PHF2: variants seen among roughly 807,000 people sequenced by gnomAD.
PHF2 encodes the protein PHD finger protein 2, also known as lysine-specific demethylase PHF2.
In PHF2, 27 loss-of-function variants were observed where a neutral mutation model predicts 120.5. The observed-to-expected ratio is 0.22, with a 90% CI of 0.17 to 0.31. The LOEUF (loss-of-function observed/expected upper bound fraction) is 0.31. PHF2 is among the 10% of genes least tolerant of loss of function. PHF2 has a pLI of 1.00. For missense variants in PHF2, 1,024 were observed against 1,434.8 expected (o/e 0.71, Z 4.63); for synonymous variants, 568 against 592.5 (o/e 0.96, Z 0.60).
Position 93,667,097 on chromosome 9 carries a change from C to G in PHF2, c.2205C>G (p.Asp735Glu). ...CGCAGCAGAGTGATGACTCCTCGGA[C>G]GAGGGTTCGCTGCACATCGACACAG... The part of the protein sequence containing the change: ...SAAYKSDDSS[D>E]EGSLHIDTDT... The change falls in exon 17 of 22, where the codon GAC (aspartate) becomes GAG (glutamate). Residue 735 changes from aspartate to glutamate, a missense_variant. Physicochemically the swap from Asp to Glu is conservative, Grantham distance 45 (BLOSUM62 2). Coordinates refer to ENST00000359246, the MANE Select transcript of PHF2 (RefSeq NM_005392.4). 6 of 1,613,008 alleles carry G rather than the reference C, an allele frequency of 3.7e-6. No homozygotes were observed. Among genetic ancestry groups the G allele is most frequent in the Non-Finnish European group, 5.1e-6 (6 of 1,179,928 alleles).
At chr9:93,636,337 G>A (rs1009982459) in intron 2 of PHF2, 74 bp from the exon 3 acceptor site, 2 of 1,216,824 alleles carry the variant, frequency 1.6e-6, no homozygotes, top group African/African-American at 1.5e-5. Context: ...GTGGGCCAAG[G>A]TTCTTAGGGG....
At chr9:93,663,672 C>T (rs773993909) in intron 14 of PHF2, 37 bp downstream of exon 14, 44 of 1,161,880 alleles carry the variant, frequency 3.8e-5, no homozygotes, top group Non-Finnish European at 5.5e-5. Context: ...TGACCTCGCG[C>T]ATAACCGACA....
At position 93,654,393 on chromosome 9, in the gene PHF2, C is replaced by T; in HGVS notation, c.790-20C>T. ...CCGCATCCCAGTATGGGCGGCTCTG[C>T]CAACAGGCTCTCTTGGCAGGGGGAG... On this transcript the variant is annotated intron_variant, in intron 6 of 21. Transcript: ENST00000359246. The T allele has an allele frequency of 6.2e-7, 1 of 1,607,932 alleles. No individual in the cohort carries two copies. Among genetic ancestry groups the T allele is most frequent in the Admixed American group, 1.7e-5 (1 of 59,922 alleles).
intron 17 of PHF2, chr9:93,672,370 A>T (rs1282016991): frequency 1.0e-6 from 1 of 979,298 alleles, no homozygotes; most frequent in Non-Finnish European, 1.2e-6. Flanking sequence ...GTGTAGATGC[A>T]GGTGTGAGTG....
intron 1 of PHF2, among the ~76,000 whole-genome samples, chr9:93,600,471 C>T (rs1482783616): frequency 2.6e-5 from 4 of 152,202 alleles, no homozygotes; most frequent in South Asian, 4.1e-4. Flanking sequence ...CAACATGGGA[C>T]GGTATTGCAG....
At position 93,663,572 on chromosome 9, in the gene PHF2, C is replaced by T. The variant is rs138985054; in HGVS notation, c.1874C>T (p.Ser625Leu). The T allele has an allele frequency of 4.3e-6, 7 of 1,613,330 alleles. No individual in the cohort carries two copies. In the African/African-American group the frequency reaches 5.3e-5, roughly 12 times the overall value. ...KMEEEQKLEK[S>L]PLAGNKDNKF... ...GAAGAGGAGCAGAAGCTAGAGAAGT[C>T]GCCTCTAGCTGGAAACAAAGACAAT... Residue 625 changes from serine (S) to leucine (L), a missense_variant, in exon 14 of 22, where the codon TCG (serine) becomes TTG (leucine). This residue lies in a region of PHF2 where 677 missense variants were observed against 857.4 expected (regional missense o/e 0.79). Transcript: ENST00000359246.
chr9:93,670,704 A>G (rs894142108), intron 17 of PHF2, among the ~76,000 whole-genome samples: 1 of 152,120 alleles, frequency 6.6e-6, no homozygotes, highest in Non-Finnish European at 1.5e-5. Flanking sequence ...GACAGTGGTC[A>G]CCCCATTTCA....
rs1826915851 is a variant in PHF2, at chr9:93,676,607, G to A, written c.2846G>A (p.Ser949Asn). The A allele has an allele frequency of 1.9e-6, 3 of 1,598,310 alleles. No individual in the cohort carries two copies. Among genetic ancestry groups the A allele is most frequent in the Non-Finnish European group, 2.6e-6 (3 of 1,168,746 alleles). ...TTTTGTTCAAAGGAGGAGCAGAAAA[G>A]CAAGAAAAAAAAGAGTGCCAAGAGG... ...AKLSQQEEQK[S>N]KKKKSAKRKL... Residue 949 changes from serine to asparagine, a missense_variant, in exon 21 of 22, where the codon AGC becomes AAC. Physicochemically the swap from Ser to Asn is conservative, Grantham distance 46. This residue lies in a region of PHF2 where 677 missense variants were observed against 857.4 expected (regional missense o/e 0.79). Transcript: ENST00000359246.
intron 6 of PHF2, 50 bp from the exon 7 acceptor site, chr9:93,654,356 CACCCCCG>C (rs905883692): frequency 6.4e-6 from 10 of 1,565,736 alleles, no homozygotes; most frequent in Non-Finnish European, 8.7e-6. Flanking sequence ...CTGTCACTTG[CACCCCCG>C]ACCCCCGCAT....
Position 93,665,696 on chromosome 9 carries a change from C to T in PHF2, c.1948C>T (p.Leu650Phe), listed in dbSNP as rs1826663755. 2 of 1,613,626 alleles carry T rather than the reference C, an allele frequency of 1.2e-6. No homozygotes were observed. Among genetic ancestry groups the T allele is most frequent in the Non-Finnish European group, 8.5e-7 (1 of 1,180,018 alleles). Residue 650 changes from leucine (L) to phenylalanine (F), a missense_variant, in exon 15 of 22, where the codon CTC becomes TTC. Leu to Phe is a conservative substitution (Grantham distance 22). Coordinates refer to ENST00000359246, the MANE Select transcript of PHF2 (RefSeq NM_005392.4). ...TCGCTTCTGCCCTAGCTCCAAGGCTCTCAGGCCCCCGACGAGCCCTGGTGT... is the reference window on the plus strand; with the variant it reads ...TCGCTTCTGCCCTAGCTCCAAGGCTTTCAGGCCCCCGACGAGCCCTGGTGT... ...SNKKLLGSKALRPPTSPGVFG... is the reference protein window; with the variant it reads ...SNKKLLGSKAFRPPTSPGVFG...
Position 93,656,822 on chromosome 9 carries a change from A to G in PHF2, c.1147+227A>G, listed in dbSNP as rs1171229490. Among the ~76,000 whole-genome samples, 2 of 152,132 alleles carry G rather than the reference A, an allele frequency of 1.3e-5. No homozygotes were observed. The highest frequency in any genetic ancestry group is 1.3e-4 in the Admixed American group (2 of 15,282). ...CGATTGGACTGTCCCTTGTTTTAGAACGAACACTGGGCTGTGGGTTGAGAG... is the reference window on the plus strand; with the variant it reads ...CGATTGGACTGTCCCTTGTTTTAGAGCGAACACTGGGCTGTGGGTTGAGAG... On this transcript the variant is annotated intron_variant, in intron 9 of 21. Transcript: ENST00000359246. This position sits in a 1 kb window ranked among gnomAD's most constrained non-coding sequence, Gnocchi z 4.1.
chr9:93,585,891 G>A (rs1159714633), intron 1 of PHF2, among the ~76,000 whole-genome samples: 1 of 152,270 alleles, frequency 6.6e-6, no homozygotes, highest in Non-Finnish European at 1.5e-5. Context: ...GTGGGGCCTG[G>A]TGGGAAGGCA....
At chr9:93,651,098 T>TAAA (rs59504471) in intron 5 of PHF2, among the ~76,000 whole-genome samples, 2,198 of 138,890 alleles carry the variant, frequency 0.016, 29 homozygotes, top group Middle Eastern at 0.045. Context: ...TTTTAAAAAT[T>TAAA]AAAAAAAAAA....
Position 93,673,597 on chromosome 9 carries a change from C to T in PHF2, c.2361C>T (p.Ala787=), listed in dbSNP as rs1826849429. The change falls in exon 18 of 22, where the codon GCC becomes GCT. Residue 787 remains alanine (A), a synonymous_variant. Coordinates refer to ENST00000359246, the MANE Select transcript of PHF2 (RefSeq NM_005392.4). ...TCTGTGCCCCTAGCCAGCCCCCGGC[C>T]TCCCCCAGCACACAGGAAGCCATTC... ...LEYNPSSQPP[A]SPSTQEAIQG... 1 of 1,571,102 alleles carries T rather than the reference C, an allele frequency of 6.4e-7. No homozygotes were observed. Among genetic ancestry groups the T allele is most frequent in the South Asian group, 1.2e-5 (1 of 85,502 alleles).
At chr9:93,646,079 G>A (rs2117872157) in intron 4 of PHF2, among the ~76,000 whole-genome samples, 1 of 152,324 alleles carries the variant, frequency 6.6e-6, no homozygotes, top group East Asian at 1.9e-4. Context: ...GCATTACTGT[G>A]GGTGCTACAT....
intron 5 of PHF2, among the ~76,000 whole-genome samples, chr9:93,650,191 C>T (rs1181111256): frequency 6.6e-6 from 1 of 151,832 alleles, no homozygotes; most frequent in Admixed American, 6.6e-5. Context: ...GACACGTTCA[C>T]AACACACCGA....
Position 93,590,819 on chromosome 9 carries a change from C to T in PHF2, c.98+13948C>T, listed in dbSNP as rs1017302961. On this transcript the variant is annotated intron_variant, in intron 1 of 21. Transcript: ENST00000359246. ...GGCTGGTCCTCACGTCTCCTCAGCC[C>T]CTCTGGTTGTGGTGGTGGTTTCTGA... Among the ~76,000 whole-genome samples the T allele has an allele frequency of 3.9e-5, 6 of 152,234 alleles. No individual in the cohort carries two copies. In the East Asian group the frequency reaches 9.6e-4, roughly 24 times the overall value.
intron 1 of PHF2, among the ~76,000 whole-genome samples, chr9:93,597,710 C>A (rs1825360760): frequency 6.6e-6 from 1 of 152,162 alleles, no homozygotes; most frequent in Non-Finnish European, 1.5e-5. Context: ...TGGAACCTAC[C>A]CTTAGGCCTA....
rs200825762 is a variant in PHF2, at chr9:93,629,979, G to C, written c.108G>C (p.Gly36=). 10 of 1,614,172 alleles carry C rather than the reference G, an allele frequency of 6.2e-6. No homozygotes were observed. The African/African-American group carries it at 1.2e-4, about 19-fold the overall frequency. ...TTTCGTCTCGTTTCAGCTGTGTTGGGGTGGAAGAGGAGGAGGCGCCCGACA... is the reference window on the plus strand; with the variant it reads ...TTTCGTCTCGTTTCAGCTGTGTTGGCGTGGAAGAGGAGGAGGCGCCCGACA... ...CKDWFHGSCV[G]VEEEEAPDID... Residue 36 remains glycine (G), a synonymous_variant, in exon 2 of 22, where the codon GGG becomes GGC. Transcript: ENST00000359246.
Sources: allele counts gnomAD v4.1 joint callset (sites outside exome capture counted in the v4.1 genomes callset), GRCh38; gene constraint gnomAD v4.1.1; regional missense constraint gnomAD v4.1.1; non-coding constraint Gnocchi (gnomAD v3.1); transcripts MANE v1.5; gene names NCBI Gene and HGNC (gene_info 2026-07-23, HGNC 2026-07-21).